The following GRIK2 variants were observed in gnomAD, a reference collection of about 807,000 sequenced individuals.
The protein encoded by GRIK2 is glutamate receptor ionotropic, kainate 2.
Under a neutral mutation model 100.3 loss-of-function variants are expected in GRIK2, and 32 were observed. The ratio of observed to expected loss-of-function variants is 0.32; its 90% confidence interval spans 0.24 to 0.43. The LOEUF (loss-of-function observed/expected upper bound fraction) is 0.43, where lower values mean the gene tolerates loss of function less well. Among genes scored for constraint, GRIK2 ranks in the 20% least tolerant of loss-of-function variants. The probability of loss-of-function intolerance (pLI) is 1.00; values close to 1 mark genes in which losing one functional copy is unlikely to be tolerated. For synonymous variants in GRIK2, 417 were observed against 389.4 expected (o/e 1.07, Z -0.83); for missense variants, 843 against 1,114.9 (o/e 0.76, Z 3.47).
At chr6:101,852,018 A>G (rs1161602675) in intron 10 of GRIK2, among the ~76,000 whole-genome samples, 1 of 151,842 alleles carries the variant, frequency 6.6e-6, no homozygotes, top group Non-Finnish European at 1.5e-5. Context: ...TAGATATAAT[A>G]TTACTGACCT....
rs540902021 is a variant in GRIK2 at position 101,525,087 on chromosome 6, G to A, written c.116-96862G>A. Among the ~76,000 whole-genome samples the A allele has an allele frequency of 1.1e-4, 16 of 152,176 alleles. No individual in the cohort carries two copies. The East Asian group carries it at 2.7e-3, about 26-fold the overall frequency. ...AAACATTCAACTCACCAGTCTAATT[G>A]GAGTTTTTGTCTATATGATACCAAA... On this transcript the variant is annotated intron_variant, in intron 2 of 16. Transcript: ENST00000369134.
chr6:101,980,810 A>G (rs1793669721), intron 14 of GRIK2, among the ~76,000 whole-genome samples: 1 of 151,770 alleles, frequency 6.6e-6, no homozygotes, highest in Non-Finnish European at 1.5e-5. Context: ...TAAACAGAGC[A>G]TATAGTAAAT....
At chr6:101,911,955 T>C (rs1788722508) in intron 12 of GRIK2, among the ~76,000 whole-genome samples, 2 of 151,334 alleles carry the variant, frequency 1.3e-5, no homozygotes, top group East Asian at 2.0e-4. Context: ...TGTGAGTGAA[T>C]AGATAATAAG....
chr6:101,625,161 C>G (rs1334491677), intron 3 of GRIK2, among the ~76,000 whole-genome samples: 4 of 152,102 alleles, frequency 2.6e-5, no homozygotes, highest in Non-Finnish European at 5.9e-5. Context: ...ATCACGAGGT[C>G]AGGAGATCAA....
intron 4 of GRIK2, among the ~76,000 whole-genome samples, chr6:101,659,804 C>T (rs1325032226): frequency 6.6e-6 from 1 of 152,200 alleles, no homozygotes; most frequent in Non-Finnish European, 1.5e-5. Context: ...GGCCCCCACT[C>T]TCTTCTGGCT....
intron 11 of GRIK2, among the ~76,000 whole-genome samples, chr6:101,885,560 C>T (rs897059811): frequency 6.6e-6 from 1 of 151,936 alleles, no homozygotes; most frequent in Non-Finnish European, 1.5e-5. Flanking sequence ...AGGTGAAAAT[C>T]TTCCAAATAA....
intron 4 of GRIK2, among the ~76,000 whole-genome samples, chr6:101,662,570 C>T (rs1209971629): frequency 6.6e-6 from 1 of 152,094 alleles, no homozygotes; most frequent in Non-Finnish European, 1.5e-5. Context: ...TCTACTGTCA[C>T]AGCTTCTGCT....
chr6:101,525,452 A>T lies in GRIK2; in HGVS notation c.116-96497A>T, dbSNP rs139188552. 1.9e-3 allele frequency among the ~76,000 whole-genome samples: 287 copies of T among 152,276 alleles called. 2 individuals carry two copies. Among genetic ancestry groups the T allele is most frequent in the African/African-American group, 6.8e-3 (284 of 41,566 alleles). ...TAATGGAAACAAATTATAACCTTTT[A>T]ACCTTTTGGAAAATTGAGTCCTATG... On this transcript the variant is annotated intron_variant, in intron 2 of 16. Transcript: ENST00000369134.
At chr6:101,706,430 T>A (rs1351022338) in intron 7 of GRIK2, among the ~76,000 whole-genome samples, 1 of 151,926 alleles carries the variant, frequency 6.6e-6, no homozygotes, top group Non-Finnish European at 1.5e-5. Context: ...TATGCAAACA[T>A]TGATGGCTTT....
At chr6:101,616,755 C>G (rs1396686282) in intron 2 of GRIK2, among the ~76,000 whole-genome samples, 1 of 151,666 alleles carries the variant, frequency 6.6e-6, no homozygotes, top group Non-Finnish European at 1.5e-5. Context: ...ATTTATTTTT[C>G]TATTCAGCTG....
At chr6:101,642,168 T>A (rs1357652840) in intron 4 of GRIK2, among the ~76,000 whole-genome samples, 1 of 151,866 alleles carries the variant, frequency 6.6e-6, no homozygotes, top group East Asian at 1.9e-4. Context: ...GTAGAGACAC[T>A]TAAACATTTG....
chr6:102,012,468 C>T (rs1237004659), intron 14 of GRIK2, among the ~76,000 whole-genome samples: 1 of 152,038 alleles, frequency 6.6e-6, no homozygotes, highest in Non-Finnish European at 1.5e-5. Context: ...TTGAGTCTTC[C>T]TATCCATGAA....
intron 2 of GRIK2, among the ~76,000 whole-genome samples, chr6:101,596,933 T>C (rs943042788): frequency 2.0e-5 from 3 of 151,872 alleles, no homozygotes; most frequent in African/African-American, 7.2e-5. Flanking sequence ...AAAAGACACA[T>C]GCACTTATAT....
chr6:101,699,889 G>A (rs928708442), intron 7 of GRIK2, among the ~76,000 whole-genome samples: 5 of 152,120 alleles, frequency 3.3e-5, no homozygotes, highest in Non-Finnish European at 7.4e-5. Context: ...GCTCCTGCCT[G>A]TAATCCCAGC....
At chr6:101,998,811 TC>T (rs1363617476) in intron 14 of GRIK2, among the ~76,000 whole-genome samples, 7 of 134,112 alleles carry the variant, frequency 5.2e-5, no homozygotes, top group African/African-American at 1.8e-4. Flanking sequence ...TTTTTTCTTT[TC>T]TTTTTTTTTT....
intron 7 of GRIK2, among the ~76,000 whole-genome samples, chr6:101,697,340 CGTGTGTGTGTGTGT>C (rs63654860): frequency 0.015 from 2,143 of 146,242 alleles, 17 homozygotes; most frequent in Middle Eastern, 0.024. Flanking sequence ...TTAGGGTGTA[CGTGTGTGTGTGTGT>C]GTGTGTGTGT....
At chr6:101,710,499 A>G (rs554342757) in intron 7 of GRIK2, among the ~76,000 whole-genome samples, 1 of 152,062 alleles carries the variant, frequency 6.6e-6, no homozygotes, top group East Asian at 1.9e-4. Context: ...TTTAGTTTGA[A>G]TCAAGAGTGG....
At chr6:102,026,332 A>G (rs1449978050) in intron 14 of GRIK2, among the ~76,000 whole-genome samples, 1 of 150,672 alleles carries the variant, frequency 6.6e-6, no homozygotes, top group Non-Finnish European at 1.5e-5. Context: ...CTTCCACGAT[A>G]TTGTTAAAGA....
At chr6:101,632,140 C>T (rs1372871060) in intron 4 of GRIK2, among the ~76,000 whole-genome samples, 3 of 152,220 alleles carry the variant, frequency 2.0e-5, no homozygotes, top group East Asian at 1.9e-4. Context: ...GCATACCATC[C>T]GGCTTGGGTG....
Sources: allele counts gnomAD v4.1 joint callset (sites outside exome capture counted in the v4.1 genomes callset), GRCh38; gene constraint gnomAD v4.1.1; transcripts MANE v1.5; gene names NCBI Gene and HGNC (gene_info 2026-07-23, HGNC 2026-07-21).